Variants in TRIM40 observed in about 807,000 individuals in gnomAD.
The protein encoded by TRIM40 is E3 ubiquitin ligase TRIM40.
In TRIM40, 27 loss-of-function variants were observed where a neutral mutation model predicts 26.1. That is an observed-to-expected ratio of 1.04 (90% CI 0.76 to 1.43). The LOEUF is 1.43. TRIM40 is among the 40% of genes most tolerant of loss of function. TRIM40 has a pLI of 0.00. For synonymous variants in TRIM40, 114 were observed against 120.0 expected, an observed-to-expected ratio of 0.95 and a Z score of 0.33; for missense variants, 289 against 307.9, an observed-to-expected ratio of 0.94 and a Z score of 0.46.
intron 2 of TRIM40, among the ~76,000 whole-genome samples, chr6:30,140,775 C>T (rs981747057): frequency 6.6e-6 from 1 of 152,120 alleles, no homozygotes; most frequent in East Asian, 1.9e-4. Flanking sequence ...TCATGAGTTT[C>T]TGGTTTGAGA....
At chr6:30,136,408 T>C (rs1237175037) in intron 1 of TRIM40, 1 of 152,866 alleles carries the variant, frequency 6.5e-6, no homozygotes, top group Non-Finnish European at 1.5e-5. Flanking sequence ...TCTCATTCTT[T>C]CAGTGTGGAA....
chr6:30,138,094 C>T (rs1331462996), intron 2 of TRIM40, among the ~76,000 whole-genome samples: 2 of 152,006 alleles, frequency 1.3e-5, no homozygotes, highest in Non-Finnish European at 2.9e-5. Context: ...CACACACCCT[C>T]AAAGGATTCT....
In TRIM40 at chr6:30,137,649, A is replaced by T. The variant is rs192188086; in HGVS notation, c.345+268A>T. Among the ~76,000 whole-genome samples, 1,191 of 152,320 alleles carry T rather than the reference A, an allele frequency of 7.8e-3. 55 individuals are homozygous for T. The South Asian group carries it at 0.13, about 16-fold the overall frequency. On this transcript the variant is annotated intron_variant, in intron 2 of 5. Coordinates refer to ENST00000396581, the MANE Select transcript of TRIM40 (RefSeq NM_001286633.2). ...GTCTGCTCATCTGTAGAATAGAGTA[A>T]TTGGACTAACTAATGCAAAACCCTT...
chr6:30,137,405 G>A (rs776843686), intron 2 of TRIM40, 24 bp downstream of exon 2: 1 of 1,593,344 alleles, frequency 6.3e-7, no homozygotes. Context: ...ACCGCAGCCA[G>A]GCCCTGCCTC....
In TRIM40 at chr6:30,137,397, C is replaced by T. The variant is rs139363411; in HGVS notation, c.345+16C>T. 19,443 of 1,596,760 alleles carry T rather than the reference C, an allele frequency of 0.012. 202 individuals carry two copies. Among genetic ancestry groups the T allele is most frequent in the Middle Eastern group, 0.029 (168 of 5,796 alleles). On this transcript the variant is annotated intron_variant, in intron 2 of 5. Coordinates refer to ENST00000396581, the MANE Select transcript of TRIM40 (RefSeq NM_001286633.2). ...CCACTACAAGGTAAGCCTGGGTCAC[C>T]GCAGCCAGGCCCTGCCTCCACCTCG...
At position 30,148,062 on chromosome 6, in the gene TRIM40, G is replaced by C. The variant is rs148974598; in HGVS notation, c.*250G>C. The C allele has an allele frequency of 1.5e-3, 833 of 573,822 alleles. 3 individuals are homozygous for C. The highest frequency in any genetic ancestry group is 0.013 in the African/African-American group (690 of 53,686). 35.5% of individuals were successfully genotyped at this position (573,822 alleles called of 1,614,324 possible). On this transcript the variant is annotated 3_prime_UTR_variant, in exon 6 of 6. Transcript: ENST00000396581. Reference sequence around the variant, plus strand: ...TGCCACTGTGGAGGTCGGGGCCCATGGTCTCCAGGAGCATTTGTGAAATCT... The same window carrying C: ...TGCCACTGTGGAGGTCGGGGCCCATCGTCTCCAGGAGCATTTGTGAAATCT...
At chr6:30,141,169 C>T (rs114380932) in intron 2 of TRIM40, among the ~76,000 whole-genome samples, 2,069 of 152,178 alleles carry the variant, frequency 0.014, 29 homozygotes, top group Middle Eastern at 0.041. Context: ...AAAAAAAGAA[C>T]GTGACAATTT....
In TRIM40 at chr6:30,147,764, G is replaced by A. The variant is rs1771760124; in HGVS notation, c.729G>A (p.Leu243=). ...PQKLEVIYPQ[L]EKGVSELLLQ... is the part of the protein sequence containing the mutation. ...AATTAGAGGTTATTTATCCCCAGTT[G>A]GAGAAAGGAGTCAGTGAATTGCTTC... Residue 243 remains leucine, a synonymous_variant, in exon 6 of 6, where the codon TTG becomes TTA. Transcript: ENST00000396581. The A allele has an allele frequency of 6.2e-7, 1 of 1,614,138 alleles. No homozygotes were observed. Among genetic ancestry groups the A allele is most frequent in the Non-Finnish European group, 8.5e-7 (1 of 1,180,016 alleles).
intron 2 of TRIM40, among the ~76,000 whole-genome samples, chr6:30,137,619 T>C (rs1362653827): frequency 6.6e-6 from 1 of 152,140 alleles, no homozygotes; most frequent in Non-Finnish European, 1.5e-5. Flanking sequence ...GATGTTAGAG[T>C]CCCAGTCTGC....
chr6:30,139,263 C>T (rs1771191837), intron 2 of TRIM40, among the ~76,000 whole-genome samples: 1 of 152,064 alleles, frequency 6.6e-6, no homozygotes, highest in African/African-American at 2.4e-5. Flanking sequence ...AAGACAGATG[C>T]CATTCCTTCT....
At chr6:30,140,856 T>C (rs1246075237) in intron 2 of TRIM40, among the ~76,000 whole-genome samples, 1 of 152,222 alleles carries the variant, frequency 6.6e-6, no homozygotes, top group Admixed American at 6.5e-5. Context: ...GAGTTTCATT[T>C]AAGACAAGTT....
intron 2 of TRIM40, among the ~76,000 whole-genome samples, chr6:30,144,930 C>T (rs1771559747): frequency 6.6e-6 from 1 of 152,164 alleles, no homozygotes; most frequent in African/African-American, 2.4e-5. Flanking sequence ...TTATTACTTC[C>T]CACTCCTATG....
chr6:30,138,254 C>T (rs115708889), intron 2 of TRIM40, among the ~76,000 whole-genome samples: 1,683 of 152,284 alleles, frequency 0.011, 24 homozygotes, highest in African/African-American at 0.034. Context: ...GACATTGGGT[C>T]ATTTCCAAGC....
intron 2 of TRIM40, among the ~76,000 whole-genome samples, chr6:30,138,028 A>T (rs1771118371): frequency 6.6e-6 from 1 of 151,996 alleles, no homozygotes; most frequent in African/African-American, 2.4e-5. Flanking sequence ...ATTTTTGTAC[A>T]TCCTTCCAAA....
intron 2 of TRIM40, among the ~76,000 whole-genome samples, chr6:30,142,883 T>C (rs1421149330): frequency 6.6e-6 from 1 of 152,144 alleles, no homozygotes; most frequent in African/African-American, 2.4e-5. Context: ...GTCCATTGAT[T>C]ATTCTTTCTG....
chr6:30,137,266 G>C lies in TRIM40; in HGVS notation c.230G>C (p.Arg77Thr). 1 of 1,613,092 alleles carries C rather than the reference G, an allele frequency of 6.2e-7. No individual in the cohort carries two copies. The highest frequency in any genetic ancestry group is 8.5e-7 in the Non-Finnish European group (1 of 1,180,028). Residue 77 changes from arginine (R) to threonine (T), a missense_variant, in exon 2 of 6, where the codon AGG becomes ACG. Arg to Thr is a moderately conservative substitution (Grantham distance 71, BLOSUM62 -1). Coordinates refer to ENST00000396581, the MANE Select transcript of TRIM40 (RefSeq NM_001286633.2). ...TATATCTGCCCCAACCACCAGAAGA[G>C]GGTGTGCAGGTTCTGTGAGGAGAGC... The part of the protein sequence containing the change: ...TGYICPNHQK[R>T]VCRFCEESRL...
In TRIM40 at chr6:30,137,198, C is replaced by T. The variant is rs749262172; in HGVS notation, c.162C>T (p.Pro54=). 5.0e-6 allele frequency: 8 copies of T among 1,613,066 alleles called. No homozygotes were observed. The highest frequency in any genetic ancestry group is 5.1e-6 in the Non-Finnish European group (6 of 1,180,020). The part of the protein sequence containing the change: ...KASASGVFCC[P]LCRKPCSEEV... ...CAGCCTCTGGGGTCTTCTGCTGCCCCCTCTGCCGGAAGCCCTGTTCTGAGG... is the reference window on the plus strand; with the variant it reads ...CAGCCTCTGGGGTCTTCTGCTGCCCTCTCTGCCGGAAGCCCTGTTCTGAGG... The change falls in exon 2 of 6, where the codon CCC becomes CCT. Residue 54 remains proline, a synonymous_variant. Coordinates refer to ENST00000396581, the MANE Select transcript of TRIM40 (RefSeq NM_001286633.2).
Position 30,146,037 on chromosome 6 carries a change from C to T in TRIM40, c.389C>T (p.Ala130Val). 6.2e-7 allele frequency: 1 copy of T among 1,613,010 alleles called. No individual in the cohort carries two copies. The highest frequency in any genetic ancestry group is 8.5e-7 in the Non-Finnish European group (1 of 1,180,022). Residue 130 changes from alanine (A) to valine (V), a missense_variant, in exon 3 of 6, where the codon GCA (alanine) becomes GTA (valine). By Grantham distance (64) the Ala-to-Val change is moderately conservative. Coordinates refer to ENST00000396581, the MANE Select transcript of TRIM40 (RefSeq NM_001286633.2). ...AGCAGGAAGCTCAGAAAGGACATTG[C>T]AGAACTTCAGCGGCTCAAGGCTCAG... is the stretch of plus-strand genomic sequence containing the variant. ...RRSRKLRKDI[A>V]ELQRLKAQQE...
In TRIM40 at chr6:30,148,487, C is replaced by G. The variant is rs115833233; in HGVS notation, c.*675C>G. The G allele has an allele frequency of 0.014, 2,067 of 152,380 alleles. 29 individuals are homozygous for G. Among genetic ancestry groups the G allele is most frequent in the Middle Eastern group, 0.041 (12 of 294 alleles). The allele number at this position is 152,380 out of a possible 1,614,324, so 9.4% of individuals were successfully genotyped here. A position where few individuals can be genotyped will look rare whatever the true frequency, so the allele number is the denominator to read the frequency against. ...CCCTTTTAGAGCCCCTCCTAGGAGC[C>G]AAGAGCAGCTTCCAGCCAACAACAA... On this transcript the variant is annotated 3_prime_UTR_variant, in exon 6 of 6. Coordinates refer to ENST00000396581, the MANE Select transcript of TRIM40 (RefSeq NM_001286633.2).
Sources: allele counts gnomAD v4.1 joint callset (sites outside exome capture counted in the v4.1 genomes callset), GRCh38; gene constraint gnomAD v4.1.1; transcripts MANE v1.5; gene names NCBI Gene and HGNC (gene_info 2026-07-23, HGNC 2026-07-21).